The following TRAP1 variants were observed in gnomAD, a reference collection of about 807,000 sequenced individuals.
TRAP1 encodes the protein TNF receptor associated protein 1.
In TRAP1, 102 loss-of-function variants were observed where a neutral mutation model predicts 89.1. The observed-to-expected ratio is 1.15, with a 90% CI of 0.98 to 1.35. The LOEUF (loss-of-function observed/expected upper bound fraction) is 1.35. Ranked by LOEUF, TRAP1 falls within the 40% of genes most tolerant of loss-of-function variation. The pLI is 0.00. For synonymous variants in TRAP1, 508 were observed against 388.0 expected (o/e 1.31, Z -3.64); for missense variants, 1,256 against 945.3 (o/e 1.33, Z -4.31).
intron 15 of TRAP1, 59 bp from the exon 16 acceptor site, chr16:3,662,191 G>C: frequency 1.9e-6 from 3 of 1,569,966 alleles, no homozygotes; most frequent in Non-Finnish European, 2.6e-6. Context: ...AGGGCTGGCA[G>C]GATCTTACCA....
chr16:3,695,331 G>A (rs756214529), intron 1 of TRAP1, among the ~76,000 whole-genome samples: 2 of 152,082 alleles, frequency 1.3e-5, no homozygotes, highest in African/African-American at 2.4e-5. Flanking sequence ...ACATCTTTTC[G>A]TATGTCTCTC....
intron 1 of TRAP1, among the ~76,000 whole-genome samples, chr16:3,700,760 C>G (rs1190095646): frequency 1.3e-5 from 2 of 152,140 alleles, no homozygotes; most frequent in Admixed American, 1.3e-4. Flanking sequence ...GCCACCGCAC[C>G]TGGCCAAGGG....
intron 1 of TRAP1, among the ~76,000 whole-genome samples, chr16:3,703,943 A>T (rs1748167288): frequency 6.7e-6 from 1 of 149,538 alleles, no homozygotes; most frequent in East Asian, 1.9e-4. Flanking sequence ...TGAACGCGGG[A>T]GGCGGAGCGT....
intron 2 of TRAP1, among the ~76,000 whole-genome samples, chr16:3,690,428 G>T (rs563578704): frequency 6.6e-6 from 1 of 152,290 alleles, no homozygotes; most frequent in South Asian, 2.1e-4. Context: ...AGCCAGAAAT[G>T]GAGCCACTTC....
intron 1 of TRAP1, among the ~76,000 whole-genome samples, chr16:3,716,062 C>T (rs2051594606): frequency 6.6e-6 from 1 of 152,050 alleles, no homozygotes; most frequent in Non-Finnish European, 1.5e-5. Context: ...AGGGTTTCAC[C>T]ATGTTGGCCA....
At chr16:3,669,087 C>G (rs1259181045) in intron 11 of TRAP1, among the ~76,000 whole-genome samples, 1 of 152,336 alleles carries the variant, frequency 6.6e-6, no homozygotes, top group Admixed American at 6.5e-5. Flanking sequence ...CCTGTGGCCA[C>G]TCCTGGGCAG....
intron 4 of TRAP1, chr16:3,680,234 CAA>C (rs894617965): frequency 2.4e-4 from 28 of 116,242 alleles, no homozygotes; most frequent in Admixed American, 4.6e-4. Flanking sequence ...GACTCCATCT[CAA>C]AAAAAAAAAA....
intron 11 of TRAP1, 68 bp from the exon 12 acceptor site, chr16:3,666,186 GA>G (rs2050825951): frequency 2.0e-6 from 3 of 1,530,048 alleles, no homozygotes; most frequent in Non-Finnish European, 2.6e-6. Flanking sequence ...CAGAGGGTAC[GA>G]AAAAATGTTC....
At chr16:3,708,432 T>C (rs1317029999) in intron 1 of TRAP1, among the ~76,000 whole-genome samples, 1 of 149,762 alleles carries the variant, frequency 6.7e-6, no homozygotes, top group African/African-American at 2.5e-5. Context: ...AGGTCAGGAG[T>C]TCAAGACCAG....
rs1332692267 is a variant in TRAP1, at chr16:3,658,847, C to T, written c.1959G>A (p.Lys653=). 1.2e-6 allele frequency: 2 copies of T among 1,613,962 alleles called. No homozygotes were observed. The highest frequency in any genetic ancestry group is 1.1e-5 in the South Asian group (1 of 91,084). The change falls in exon 17 of 18, where the codon AAG becomes AAA. Residue 653 remains lysine (K), a synonymous_variant. Coordinates refer to ENST00000246957, the MANE Select transcript of TRAP1 (RefSeq NM_016292.3). ...GCTCGCTTGCGCGCAGCTGATTCAG[C>T]TTCTTGATGAGCGCGTGCCTGCAAC... ...EINPRHALIK[K]LNQLRASEPG...
At chr16:3,659,486 C>A (rs2042938374) in intron 16 of TRAP1, 1 of 152,092 alleles carries the variant, frequency 6.6e-6, no homozygotes, top group African/African-American at 2.4e-5. Context: ...AAACCACAAA[C>A]CAAAAAGTAA....
chr16:3,674,426 C>G lies in TRAP1; in HGVS notation c.957G>C (p.Ala319=). Residue 319 remains alanine (A), a synonymous_variant, in exon 9 of 18, where the codon GCG becomes GCC. Coordinates refer to ENST00000246957, the MANE Select transcript of TRAP1 (RefSeq NM_016292.3). ...WQHEEFYRYV[A]QAHDKPRYTL... is the part of the protein sequence containing the mutation. The stretch of plus-strand genomic sequence containing the variant: ...TGTAGCGGGGCTTGTCGTGAGCCTG[C>G]GCGACGTAGCGGTAGAACTCCTCAT... 1.9e-6 allele frequency: 3 copies of G among 1,614,044 alleles called. No homozygotes were observed. Among genetic ancestry groups the G allele is most frequent in the Non-Finnish European group, 2.5e-6 (3 of 1,180,022 alleles).
At chr16:3,689,682 AT>A (rs1191745430) in intron 2 of TRAP1, 1 of 152,494 alleles carries the variant, frequency 6.6e-6, no homozygotes, top group Non-Finnish European at 1.5e-5. Flanking sequence ...TCTACAAAAA[AT>A]ACACAAAGTA....
intron 11 of TRAP1, among the ~76,000 whole-genome samples, chr16:3,670,255 A>G (rs893483542): frequency 6.6e-6 from 1 of 151,272 alleles, no homozygotes; most frequent in African/African-American, 2.4e-5. Context: ...GGTGGCAGGC[A>G]CCTGTAGTCC....
intron 3 of TRAP1, among the ~76,000 whole-genome samples, chr16:3,688,802 A>T (rs2051172595): frequency 6.6e-6 from 1 of 152,232 alleles, no homozygotes; most frequent in South Asian, 2.1e-4. Flanking sequence ...GGGAACTTTT[A>T]AAATTATTGG....
chr16:3,679,269 C>T (rs2051042598), intron 5 of TRAP1, among the ~76,000 whole-genome samples: 1 of 151,804 alleles, frequency 6.6e-6, no homozygotes, highest in South Asian at 2.1e-4. Flanking sequence ...CTACGGGTTC[C>T]ACATTTGCAG....
At chr16:3,679,517 G>A (rs950082724) in intron 5 of TRAP1, among the ~76,000 whole-genome samples, 4 of 152,146 alleles carry the variant, frequency 2.6e-5, no homozygotes, top group African/African-American at 4.8e-5. Flanking sequence ...GGGGGGTCCT[G>A]AAACCAACCC....
intron 5 of TRAP1, among the ~76,000 whole-genome samples, chr16:3,678,939 A>G (rs2051037266): frequency 6.6e-6 from 1 of 152,222 alleles, no homozygotes; most frequent in Non-Finnish European, 1.5e-5. Flanking sequence ...AGAGAGGGTC[A>G]GAGGGATCAG....
At chr16:3,666,807 G>C (rs2050838350) in intron 11 of TRAP1, among the ~76,000 whole-genome samples, 1 of 152,136 alleles carries the variant, frequency 6.6e-6, no homozygotes, top group Non-Finnish European at 1.5e-5. Context: ...TTTCAAAATT[G>C]GGATTTTAGG....
Sources: gnomAD v4.1 joint callset for allele counts (sites outside exome capture counted in the v4.1 genomes callset) on GRCh38, gnomAD v4.1.1 for gene constraint, MANE v1.5 for transcripts, NCBI Gene and HGNC (gene_info 2026-07-23, HGNC 2026-07-21) for gene names.